VWA3B: variants seen among roughly 807,000 people sequenced by gnomAD.
VWA3B encodes von Willebrand factor A domain containing 3B, also known as von Willebrand factor A domain-containing protein 3B.
In VWA3B, 138 loss-of-function variants were observed where a neutral mutation model predicts 158.3. That is an observed-to-expected ratio of 0.87 (90% CI 0.76 to 1.00). VWA3B has a LOEUF of 1.00. Ranked by LOEUF, VWA3B falls within the 50% of genes least tolerant of loss-of-function variation. VWA3B has a pLI of 0.00. For synonymous variants in VWA3B, 596 were observed against 587.3 expected, an observed-to-expected ratio of 1.01 and a Z score of -0.21; for missense variants, 1,555 against 1,565.1, an observed-to-expected ratio of 0.99 and a Z score of 0.11.
chr2:98,185,738 A>C (rs1001395572), intron 9 of VWA3B, among the ~76,000 whole-genome samples: 2 of 152,160 alleles, frequency 1.3e-5, no homozygotes, highest in African/African-American at 4.8e-5. Context: ...GTCTAAGGCC[A>C]TTCACTGCAC....
intron 9 of VWA3B, among the ~76,000 whole-genome samples, chr2:98,184,645 A>G (rs555259859): frequency 6.6e-6 from 1 of 152,312 alleles, no homozygotes; most frequent in South Asian, 2.1e-4. Context: ...CTCTGGGCGC[A>G]TCATCAGCAA....
chr2:98,244,787 G>T (rs1345110537), intron 19 of VWA3B, among the ~76,000 whole-genome samples: 2 of 152,150 alleles, frequency 1.3e-5, no homozygotes, highest in Non-Finnish European at 2.9e-5. Context: ...AAATTATGTA[G>T]AGTAGTCAGT....
rs527405531 is a variant in VWA3B at position 98,176,005 on chromosome 2, C to T, written c.1115-5011C>T. Among the ~76,000 whole-genome samples, 8 of 152,306 alleles carry T rather than the reference C, an allele frequency of 5.3e-5. No homozygotes were observed. The East Asian group carries it at 7.7e-4, about 15-fold the overall frequency. ...AGCAAAGGGCTTGACTGCTCAGAGA[C>T]GAGCTTCTCTCTCACACCACACTGT... On this transcript the variant is annotated intron_variant, in intron 8 of 27. Transcript: ENST00000477737.
the VWA3B span, among the ~76,000 whole-genome samples, chr2:98,322,647 G>A: frequency 6.6e-6 from 1 of 152,230 alleles, no homozygotes; most frequent in Non-Finnish European, 1.5e-5. Flanking sequence ...TGCAAGCCAT[G>A]TGCAGCTTGG....
At position 98,128,339 on chromosome 2, in the gene VWA3B, T is replaced by A. The variant is rs779561728; in HGVS notation, c.803T>A (p.Val268Glu). 1 of 1,614,146 alleles carries A rather than the reference T, an allele frequency of 6.2e-7. No homozygotes were observed. Among genetic ancestry groups the A allele is most frequent in the Non-Finnish European group, 8.5e-7 (1 of 1,180,006 alleles). The change falls in exon 6 of 28, where the codon GTG becomes GAG. Residue 268 changes from valine (V) to glutamate (E), a missense_variant. Physicochemically the swap from Val to Glu is moderately radical, Grantham distance 121. Coordinates refer to ENST00000477737, the MANE Select transcript of VWA3B (RefSeq NM_144992.5). ...GAGATCCCGTGTCCAGTCTACACAG[T>A]GTCCTTCAACGCCAGAGGAGAAGGC... Reference protein sequence around the residue: ...ALEIPCPVYTVSFNARGEGTI... With the variant: ...ALEIPCPVYTESFNARGEGTI...
At chr2:98,098,562 A>C (rs1431590942) in intron 2 of VWA3B, among the ~76,000 whole-genome samples, 1 of 152,076 alleles carries the variant, frequency 6.6e-6, no homozygotes, top group Admixed American at 6.5e-5. Flanking sequence ...ATTTGTAAGG[A>C]ATATCTGGTT....
At chr2:98,104,802 T>C (rs1294645698) in intron 2 of VWA3B, among the ~76,000 whole-genome samples, 6 of 152,222 alleles carry the variant, frequency 3.9e-5, no homozygotes, top group Non-Finnish European at 8.8e-5. Flanking sequence ...TCTTTATTTT[T>C]CATTTAATTG....
intron 21 of VWA3B, among the ~76,000 whole-genome samples, chr2:98,265,300 T>G (rs1687740386): frequency 6.6e-6 from 1 of 151,504 alleles, no homozygotes; most frequent in Non-Finnish European, 1.5e-5. Flanking sequence ...GGTGTTTGGT[T>G]TTTTGTTCTT....
intron 20 of VWA3B, among the ~76,000 whole-genome samples, chr2:98,251,847 G>A (rs1291342854): frequency 1.3e-5 from 2 of 152,080 alleles, no homozygotes; most frequent in African/African-American, 2.4e-5. Context: ...GCCCTCACCC[G>A]AGAGTGGAGG....
intron 9 of VWA3B, among the ~76,000 whole-genome samples, chr2:98,183,040 C>T (rs1030195072): frequency 6.6e-6 from 1 of 152,204 alleles, no homozygotes; most frequent in South Asian, 2.1e-4. Flanking sequence ...CTGATCATCT[C>T]CTAACTCATT....
At chr2:98,163,162 T>C (rs112049891) in intron 8 of VWA3B, among the ~76,000 whole-genome samples, 186 bp downstream of exon 8, 3,227 of 144,910 alleles carry the variant, frequency 0.022, 114 homozygotes, top group African/African-American at 0.085. Context: ...TGCATGGACA[T>C]GTGTGTGTGT....
At chr2:98,194,519 G>A (rs763112545) in intron 12 of VWA3B, 27 bp downstream of exon 12, 13 of 1,611,180 alleles carry the variant, frequency 8.1e-6, no homozygotes, top group Admixed American at 1.7e-5. Context: ...GCTGGGAGAA[G>A]CATCCTAGGA....
chr2:98,166,681 G>A (rs1284112619), intron 8 of VWA3B, among the ~76,000 whole-genome samples: 1 of 152,084 alleles, frequency 6.6e-6, no homozygotes, highest in African/African-American at 2.4e-5. Context: ...TTTAAGTTTG[G>A]TGTGGTTAGT....
At chr2:98,256,199 C>CTT (rs113487988) in intron 21 of VWA3B, 25 bp downstream of exon 21, 104,583 of 1,362,416 alleles carry the variant, frequency 0.077, 376 homozygotes, top group Non-Finnish European at 0.088. Flanking sequence ...TCCCTCCTCA[C>CTT]TTTTTTTTTT....
rs200664251 is a variant in VWA3B, at chr2:98,234,744, G to A, written c.2405G>A (p.Arg802Gln). 1.9e-5 allele frequency: 30 copies of A among 1,614,150 alleles called. No individual in the cohort carries two copies. Among genetic ancestry groups the A allele is most frequent in the South Asian group, 7.7e-5 (7 of 91,072 alleles). The change falls in exon 17 of 28, where the codon CGG becomes CAG. Residue 802 changes from arginine (R) to glutamine (Q), a missense_variant. Physicochemically the swap from Arg to Gln is conservative, Grantham distance 43 (BLOSUM62 1). Transcript: ENST00000477737. ...GATGGCCTCTCCAATGCCAGCAGCC[G>A]GAGGACTGCTCTAAGTGACAAAGGC... is the stretch of plus-strand genomic sequence containing the variant. ...RKDGLSNASSRRTALSDKEMS... is the reference protein window; with the variant it reads ...RKDGLSNASSQRTALSDKEMS...
chr2:98,262,060 G>A (rs1687521799), intron 21 of VWA3B, among the ~76,000 whole-genome samples: 2 of 151,526 alleles, frequency 1.3e-5, no homozygotes, highest in South Asian at 2.1e-4. Context: ...ATGATTCCTG[G>A]ACATTTGTAT....
rs541533697 is a variant in VWA3B at position 98,188,274 on chromosome 2, G to A, written c.1466+145G>A. On this transcript the variant is annotated intron_variant, in intron 10 of 27. Transcript: ENST00000477737. ...GATACAGAGTGATATTTAGGTGTGT[G>A]TATACAATGTACAAAGATCAAATCA... is the stretch of plus-strand genomic sequence containing the variant. 7 of 1,077,970 alleles carry A rather than the reference G, an allele frequency of 6.5e-6. No homozygotes were observed. In the African/African-American group the frequency reaches 8.1e-5, roughly 12 times the overall value. The allele number at this position is 1,077,970 out of a possible 1,614,324, so 66.8% of individuals were successfully genotyped here.
chr2:98,185,146 C>T (rs974055292), intron 9 of VWA3B, among the ~76,000 whole-genome samples: 2 of 152,224 alleles, frequency 1.3e-5, no homozygotes, highest in African/African-American at 4.8e-5. Flanking sequence ...AAGCCACATC[C>T]TCAGTTCCAA....
chr2:98,193,488 C>T (rs760041309), intron 11 of VWA3B, among the ~76,000 whole-genome samples: 10 of 152,266 alleles, frequency 6.6e-5, no homozygotes, highest in Middle Eastern at 3.4e-3. Context: ...TGCCCTAAAT[C>T]CTAGTGTCCA....
Sources: gnomAD v4.1 joint callset for allele counts (sites outside exome capture counted in the v4.1 genomes callset) on GRCh38, gnomAD v4.1.1 for gene constraint, MANE v1.5 for transcripts, NCBI Gene and HGNC (gene_info 2026-07-23, HGNC 2026-07-21) for gene names.